TOR1AIP1: variants seen among roughly 807,000 people sequenced by gnomAD.
The protein encoded by TOR1AIP1 is torsin-1A-interacting protein 1.
A neutral mutation model predicts 63.3 loss-of-function variants in TOR1AIP1; 54 were observed. The ratio of observed to expected loss-of-function variants is 0.85; its 90% CI spans 0.69 to 1.07. TOR1AIP1 has a LOEUF of 1.07. Among genes scored for constraint, TOR1AIP1 ranks in the 50% least tolerant of loss-of-function variants. The pLI is 0.00. For missense variants in TOR1AIP1, 736 were observed against 715.0 expected (o/e 1.03, Z -0.33); for synonymous variants, 294 against 273.5 (o/e 1.07, Z -0.74).
intron 3 of TOR1AIP1, among the ~76,000 whole-genome samples, chr1:179,897,470 G>A (rs12143942): frequency 0.12 from 18,995 of 152,070 alleles, 1,224 homozygotes; most frequent in Middle Eastern, 0.2. Flanking sequence ...ATCTTCAAAT[G>A]TATACAGATA....
At chr1:179,907,593 T>TTATACATATATATATATATATATA (rs1648679888) in intron 6 of TOR1AIP1, among the ~76,000 whole-genome samples, 3 of 63,268 alleles carry the variant, frequency 4.7e-5, no homozygotes, top group Non-Finnish European at 6.6e-5. Context: ...CACACACACT[T>TTATACATATATATATATATATATA]TATATATATA....
At chr1:179,891,464 C>G (rs1159715575) in intron 3 of TOR1AIP1, among the ~76,000 whole-genome samples, 1 of 152,092 alleles carries the variant, frequency 6.6e-6, no homozygotes, top group African/African-American at 2.4e-5. Context: ...ACCTTGTGAT[C>G]TACCCCACTT....
At chr1:179,886,050 T>G (rs918537565) in intron 2 of TOR1AIP1, among the ~76,000 whole-genome samples, 3 of 152,198 alleles carry the variant, frequency 2.0e-5, no homozygotes, top group African/African-American at 7.2e-5. Context: ...CTGTCCTATA[T>G]TCCTTGAATA....
rs761235144 is a variant in TOR1AIP1 at position 179,900,086 on chromosome 1, G to A, written c.611-40G>A. ...TTATTCCTAAGCTTTAACTTTTGAT[G>A]TTATATGTTTAATATTTGATGTATG... On this transcript the variant is annotated intron_variant, in intron 3 of 9. Transcript: ENST00000606911. 2.0e-6 allele frequency: 3 copies of A among 1,509,102 alleles called. No homozygotes were observed. In the Admixed American group the frequency reaches 5.3e-5, roughly 26 times the overall value. The allele number at this position is 1,509,102 out of a possible 1,614,324, so 93.5% of individuals were successfully genotyped here.
rs768805915 is a variant in TOR1AIP1 at position 179,918,188 on chromosome 1, A to T, written c.1701A>T (p.Leu567Phe). Residue 567 changes from leucine (L) to phenylalanine (F), a missense_variant, in exon 10 of 10, where the codon TTA becomes TTT. Coordinates refer to ENST00000606911, the MANE Select transcript of TOR1AIP1 (RefSeq NM_015602.4). ...GCCTCTGGAGCCGTATTTCTCACTT[A>T]GTTCTGCCTGTGCAACCTGAAAATG... ...LNGLWSRISH[L>F]VLPVQPENAL... The T allele has an allele frequency of 6.2e-7, 1 of 1,610,302 alleles. No homozygotes were observed. Among genetic ancestry groups the T allele is most frequent in the South Asian group, 1.1e-5 (1 of 90,890 alleles).
At chr1:179,893,221 C>T (rs997390530) in intron 3 of TOR1AIP1, among the ~76,000 whole-genome samples, 7 of 150,794 alleles carry the variant, frequency 4.6e-5, no homozygotes, top group South Asian at 4.2e-4. Context: ...GCAGCCTGGG[C>T]GACAGAGCGA....
rs781656421 is a variant in TOR1AIP1 at position 179,882,738 on chromosome 1, C to A, written c.236C>A (p.Ser79Tyr). 26 of 1,614,118 alleles carry A rather than the reference C, an allele frequency of 1.6e-5. No individual in the cohort carries two copies. The highest frequency in any genetic ancestry group is 1.3e-4 in the South Asian group (12 of 91,074). ...GAGCCCCTGGTGGCCAAAGAAAGGT[C>A]CCCGGTGGGAAAACGAACCCGGCTA... ...DFEPLVAKER[S>Y]PVGKRTRLEE... The change falls in exon 1 of 10, where the codon TCC (serine) becomes TAC (tyrosine). Residue 79 changes from serine to tyrosine, a missense_variant. Ser to Tyr is a moderately radical substitution (Grantham distance 144). Coordinates refer to ENST00000606911, the MANE Select transcript of TOR1AIP1 (RefSeq NM_015602.4).
chr1:179,882,342 C>G lies in TOR1AIP1; in HGVS notation c.-161C>G. 1 of 660,166 alleles carries G rather than the reference C, an allele frequency of 1.5e-6. No homozygotes were observed. The highest frequency in any genetic ancestry group is 2.3e-6 in the Non-Finnish European group (1 of 429,644). 40.9% of individuals were successfully genotyped at this position (660,166 alleles called of 1,614,324 possible). A position where few individuals can be genotyped will look rare whatever the true frequency, so the allele number is the denominator to read the frequency against. ...TGGGCCCAGAGGCAGGTTTGCTACA[C>G]AGCAGCGACGACGCAGGCGGCGGCC... On this transcript the variant is annotated 5_prime_UTR_variant, in exon 1 of 10. Coordinates refer to ENST00000606911, the MANE Select transcript of TOR1AIP1 (RefSeq NM_015602.4).
At chr1:179,916,288 G>A (rs1648987603) in intron 9 of TOR1AIP1, among the ~76,000 whole-genome samples, 1 of 152,160 alleles carries the variant, frequency 6.6e-6, no homozygotes, top group Non-Finnish European at 1.5e-5. Flanking sequence ...CAAGGTGAAA[G>A]TCAAATAACA....
intron 9 of TOR1AIP1, 129 bp downstream of exon 9, chr1:179,914,183 G>T: frequency 2.5e-6 from 2 of 788,476 alleles, no homozygotes; most frequent in Non-Finnish European, 2.0e-6. Flanking sequence ...GCACTTGAGA[G>T]GAAAAAGTAT....
chr1:179,915,676 T>G (rs1345816190), intron 9 of TOR1AIP1, among the ~76,000 whole-genome samples: 1 of 152,114 alleles, frequency 6.6e-6, no homozygotes, highest in Non-Finnish European at 1.5e-5. Flanking sequence ...GAGAATCACT[T>G]GAACCTGGGA....
chr1:179,886,063 CTA>C (rs1647901342), intron 2 of TOR1AIP1, among the ~76,000 whole-genome samples: 2 of 152,058 alleles, frequency 1.3e-5, no homozygotes, highest in Admixed American at 1.3e-4. Flanking sequence ...CTTGAATAGT[CTA>C]TGTTACTGTG....
At chr1:179,905,886 A>G (rs576916397) in intron 6 of TOR1AIP1, among the ~76,000 whole-genome samples, 1 of 152,140 alleles carries the variant, frequency 6.6e-6, no homozygotes, top group South Asian at 2.1e-4. Context: ...CCAACAGGCA[A>G]CGGCGGCAGT....
chr1:179,896,961 A>G (rs536271825), intron 3 of TOR1AIP1, among the ~76,000 whole-genome samples: 1 of 152,294 alleles, frequency 6.6e-6, no homozygotes, highest in African/African-American at 2.4e-5. Context: ...TTCAATAATG[A>G]TTGATTGTCA....
At chr1:179,891,183 A>G (rs1029616838) in intron 3 of TOR1AIP1, among the ~76,000 whole-genome samples, 2 of 152,222 alleles carry the variant, frequency 1.3e-5, no homozygotes, top group African/African-American at 4.8e-5. Context: ...GAAAAAGGAG[A>G]TAACAACTTA....
Position 179,901,373 on chromosome 1 carries a change from T to G in TOR1AIP1, c.724T>G (p.Ser242Ala). ...TACTGTTAAGGCCAGATCCAGGGAT[T>G]CTGATGAATCTGGAGGTAATATTGC... ...VTTVKARSRD[S>A]DESGDKTTRS... The change falls in exon 5 of 10, where the codon TCT becomes GCT. Residue 242 changes from serine (S) to alanine (A), a missense_variant. Ser to Ala is a moderately conservative substitution (Grantham distance 99). Transcript: ENST00000606911. The G allele has an allele frequency of 6.2e-7, 1 of 1,603,506 alleles. No homozygotes were observed. Among genetic ancestry groups the G allele is most frequent in the South Asian group, 1.1e-5 (1 of 89,450 alleles).
At chr1:179,910,042 G>C (rs1648782603) in intron 8 of TOR1AIP1, among the ~76,000 whole-genome samples, 1 of 152,210 alleles carries the variant, frequency 6.6e-6, no homozygotes, top group Admixed American at 6.5e-5. Context: ...GGGATTACAG[G>C]CATGAGCCAC....
intron 3 of TOR1AIP1, among the ~76,000 whole-genome samples, chr1:179,891,378 C>T (rs940566052): frequency 1.8e-4 from 27 of 151,846 alleles, no homozygotes; most frequent in South Asian, 8.3e-4. Flanking sequence ...CCCACCACCA[C>T]GCCCAGCTAC....
At chr1:179,898,474 A>G (rs1180574492) in intron 3 of TOR1AIP1, among the ~76,000 whole-genome samples, 2 of 152,216 alleles carry the variant, frequency 1.3e-5, no homozygotes, top group Non-Finnish European at 2.9e-5. Flanking sequence ...TAAAACTGCT[A>G]TACAAAAATA....
Sources: gnomAD v4.1 joint callset for allele counts (sites outside exome capture counted in the v4.1 genomes callset) on GRCh38, gnomAD v4.1.1 for gene constraint, MANE v1.5 for transcripts, NCBI Gene and HGNC (gene_info 2026-07-23, HGNC 2026-07-21) for gene names.